The following TLK2 variants were observed in gnomAD, a reference collection of about 807,000 sequenced individuals.
The protein encoded by TLK2 is tousled like kinase 2.
A neutral mutation model predicts 117.3 loss-of-function variants in TLK2; 6 were observed. The observed-to-expected ratio is 0.05, with a 90% CI of 0.03 to 0.10. The LOEUF (loss-of-function observed/expected upper bound fraction) is 0.10. Ranked by LOEUF, TLK2 falls within the 10% of genes least tolerant of loss-of-function variation. The probability of loss-of-function intolerance (pLI) is 1.00; values close to 1 mark genes in which losing one functional copy is unlikely to be tolerated. For missense variants in TLK2, 299 were observed against 901.2 expected (o/e 0.33, Z 8.56); for synonymous variants, 257 against 316.7 (o/e 0.81, Z 2.00).
intron 10 of TLK2, among the ~76,000 whole-genome samples, chr17:62,562,212 T>G (rs2079340593): frequency 2.0e-5 from 3 of 152,006 alleles, no homozygotes; most frequent in Non-Finnish European, 2.9e-5. Context: ...ATACAAAAAT[T>G]GGCTGAGTGT....
At chr17:62,572,320 A>G (rs2080375926) in intron 11 of TLK2, among the ~76,000 whole-genome samples, 1 of 152,210 alleles carries the variant, frequency 6.6e-6, no homozygotes, top group Non-Finnish European at 1.5e-5. Flanking sequence ...CTTAAAGACT[A>G]ACCTGTTAGA....
intron 12 of TLK2, among the ~76,000 whole-genome samples, chr17:62,575,099 TAAAG>T (rs897383907): frequency 6.6e-6 from 1 of 152,234 alleles, no homozygotes; most frequent in Non-Finnish European, 1.5e-5. Flanking sequence ...TTAGGAGTGA[TAAAG>T]AAAGCATAGG....
chr17:62,504,285 T>A (rs2145076879), intron 2 of TLK2, among the ~76,000 whole-genome samples: 1 of 152,320 alleles, frequency 6.6e-6, no homozygotes, highest in East Asian at 1.9e-4. Flanking sequence ...CTGTTTTATT[T>A]AATCCTTGAA....
At chr17:62,557,647 T>A (rs2078956509) in intron 9 of TLK2, among the ~76,000 whole-genome samples, 1 of 152,072 alleles carries the variant, frequency 6.6e-6, no homozygotes, top group Non-Finnish European at 1.5e-5. Flanking sequence ...AATGAAATGG[T>A]TTGTGGGTGT....
At chr17:62,556,317 ATTGTTAGAC>A in intron 9 of TLK2, among the ~76,000 whole-genome samples, 2 of 152,316 alleles carry the variant, frequency 1.3e-5, no homozygotes, top group Middle Eastern at 6.8e-3. Context: ...ATTTGTAGTC[ATTGTTAGAC>A]TTGTTTATTC....
At chr17:62,498,284 C>T (rs569967112) in intron 2 of TLK2, among the ~76,000 whole-genome samples, 117 of 151,992 alleles carry the variant, frequency 7.7e-4, no homozygotes, top group Middle Eastern at 3.4e-3. Flanking sequence ...GTTATAATTC[C>T]TAGTTTTTAG....
intron 14 of TLK2, 148 bp downstream of exon 14, chr17:62,578,722 T>G (rs1335132401): frequency 3.4e-6 from 2 of 593,462 alleles, no homozygotes; most frequent in East Asian, 2.9e-5. Context: ...TAATACAATT[T>G]TGTGAACAAA....
chr17:62,606,276 T>G, intron 20 of TLK2, 35 bp downstream of exon 20: 5 of 1,379,356 alleles, frequency 3.6e-6, no homozygotes, highest in Non-Finnish European at 5.1e-6. Context: ...GCTTGATCTC[T>G]TTCTTGGGTG....
At chr17:62,541,742 C>T (rs973072185) in intron 7 of TLK2, among the ~76,000 whole-genome samples, 1 of 116,618 alleles carries the variant, frequency 8.6e-6, no homozygotes, top group African/African-American at 3.0e-5. Flanking sequence ...TCTCTTGCCT[C>T]AGTTTCCAGA....
At chr17:62,538,126 C>T (rs1453712789) in intron 7 of TLK2, among the ~76,000 whole-genome samples, 3 of 148,962 alleles carry the variant, frequency 2.0e-5, no homozygotes, top group Non-Finnish European at 3.0e-5. Flanking sequence ...AGCTCTGCCT[C>T]TCGGGTTCAC....
At chr17:62,521,287 A>T (rs1488882206) in intron 3 of TLK2, among the ~76,000 whole-genome samples, 2 of 152,218 alleles carry the variant, frequency 1.3e-5, no homozygotes, top group African/African-American at 4.8e-5. Flanking sequence ...GGTTTTTATT[A>T]TAATCATGTG....
intron 2 of TLK2, among the ~76,000 whole-genome samples, chr17:62,515,731 G>A (rs1253343663): frequency 7.9e-5 from 12 of 151,978 alleles, no homozygotes; most frequent in Admixed American, 7.9e-4. Context: ...GGTTATTAAT[G>A]CCTTACCATA....
intron 11 of TLK2, among the ~76,000 whole-genome samples, chr17:62,568,822 T>C (rs2146523149): frequency 6.6e-6 from 1 of 151,986 alleles, no homozygotes; most frequent in East Asian, 2.0e-4. Context: ...TGACCTCAAG[T>C]GATCCACCCA....
At chr17:62,484,377 A>T (rs1405206884) in intron 2 of TLK2, among the ~76,000 whole-genome samples, 1 of 151,172 alleles carries the variant, frequency 6.6e-6, no homozygotes, top group East Asian at 2.0e-4. Context: ...GCTCACTGCA[A>T]CCTCCGCTTC....
intron 2 of TLK2, among the ~76,000 whole-genome samples, chr17:62,492,055 TTTGA>T (rs1243493098): frequency 1.3e-5 from 2 of 152,224 alleles, no homozygotes; most frequent in Non-Finnish European, 2.9e-5. Context: ...GAATTTTATG[TTTGA>T]TGAACTACAC....
At chr17:62,609,964 G>C (rs1448912816) in intron 21 of TLK2, among the ~76,000 whole-genome samples, 1 of 152,256 alleles carries the variant, frequency 6.6e-6, no homozygotes, top group East Asian at 1.9e-4. Flanking sequence ...TGAGGTTTAA[G>C]AGGACTGGTA....
intron 2 of TLK2, among the ~76,000 whole-genome samples, chr17:62,485,016 G>A (rs1437130940): frequency 2.6e-5 from 4 of 152,090 alleles, no homozygotes; most frequent in Non-Finnish European, 5.9e-5. Flanking sequence ...GGGCGACAGA[G>A]CAAGGCTCCG....
chr17:62,568,897 T>C lies in TLK2; in HGVS notation c.968+3760T>C, dbSNP rs533329132. Among the ~76,000 whole-genome samples, 225 of 152,304 alleles carry C rather than the reference T, an allele frequency of 1.5e-3. 9 individuals are homozygous for C. The South Asian group carries it at 0.044, about 30-fold the overall frequency. On this transcript the variant is annotated intron_variant, in intron 11 of 21. Transcript: ENST00000346027. ...CGTCAAACCATCTGATTCTCAGTCA[T>C]ATGATTCACTCATTTTGTTGATTTT...
chr17:62,564,886 G>C, intron 10 of TLK2, 115 bp from the exon 11 acceptor site: 1 of 1,317,012 alleles, frequency 7.6e-7, no homozygotes, highest in East Asian at 2.5e-5. Context: ...GTTCTGAGAA[G>C]TGTATGGTTT....
Sources: gnomAD v4.1 joint callset for allele counts (sites outside exome capture counted in the v4.1 genomes callset) on GRCh38, gnomAD v4.1.1 for gene constraint, MANE v1.5 for transcripts, NCBI Gene and HGNC (gene_info 2026-07-23, HGNC 2026-07-21) for gene names.